Variants in BCL7A observed in about 807,000 individuals in gnomAD.
BCL7A encodes the protein BAF chromatin remodeling complex subunit BCL7A, also known as B-cell CLL/lymphoma 7 protein family member A.
A neutral mutation model predicts 28.4 loss-of-function variants in BCL7A; 11 were observed. The ratio of observed to expected loss-of-function variants is 0.39; its 90% confidence interval spans 0.24 to 0.64. BCL7A has a LOEUF of 0.64. BCL7A is among the 30% of genes least tolerant of loss of function. The pLI is 0.50. For missense variants in BCL7A, 222 were observed against 274.8 expected (o/e 0.81, Z 1.36); for synonymous variants, 123 against 103.3 (o/e 1.19, Z -1.15).
intron 2 of BCL7A, among the ~76,000 whole-genome samples, chr12:122,031,386 G>T (rs1167143905): frequency 6.6e-6 from 1 of 152,154 alleles, no homozygotes; most frequent in African/African-American, 2.4e-5. Context: ...GTGTTTTGGG[G>T]CAGGTGTGGT....
chr12:122,035,257 C>A, intron 2 of BCL7A, 74 bp from the exon 3 acceptor site: 1 of 1,369,478 alleles, frequency 7.3e-7, no homozygotes, highest in Non-Finnish European at 1.0e-6. Flanking sequence ...TCACACCACT[C>A]CCCAGGGGCT....
rs112876058 is a variant in BCL7A, at chr12:122,029,112, T to C, written c.93-1588T>C. Among the ~76,000 whole-genome samples the C allele has an allele frequency of 3.2e-4, 49 of 152,214 alleles. No homozygotes were observed. The highest frequency in any genetic ancestry group is 1.1e-3 in the African/African-American group (45 of 41,524). Reference sequence around the variant, plus strand: ...CGAGTGCTGGCTCTGGGAGAATGAGTTCACCTTCACCGCCCTGTGCCTCGG... The same window carrying C: ...CGAGTGCTGGCTCTGGGAGAATGAGCTCACCTTCACCGCCCTGTGCCTCGG... On this transcript the variant is annotated intron_variant, in intron 1 of 5. Coordinates refer to ENST00000261822, the MANE Select transcript of BCL7A (RefSeq NM_001024808.3). The surrounding 1 kb of genome is among the most constrained non-coding windows in gnomAD (Gnocchi z 4.3).
At chr12:122,035,993 A>G (rs968477753) in intron 3 of BCL7A, among the ~76,000 whole-genome samples, 1 of 151,826 alleles carries the variant, frequency 6.6e-6, no homozygotes, top group African/African-American at 2.4e-5. Flanking sequence ...GCCATGCACC[A>G]CCATCCCTGA....
At chr12:122,051,915 C>T (rs1199679398) in intron 4 of BCL7A, among the ~76,000 whole-genome samples, 3 of 141,486 alleles carry the variant, frequency 2.1e-5, no homozygotes. Flanking sequence ...ACTCTGTCAC[C>T]CAGGCTGGAG....
intron 2 of BCL7A, 107 bp downstream of exon 2, chr12:122,030,888 C>A: frequency 1.7e-6 from 2 of 1,180,818 alleles, no homozygotes; most frequent in Non-Finnish European, 2.5e-6. Flanking sequence ...GCTCTGGGAC[C>A]AAGAGCCCCT....
chr12:122,054,677 C>A, intron 4 of BCL7A, 128 bp from the exon 5 acceptor site: 1 of 900,132 alleles, frequency 1.1e-6, no homozygotes, highest in Non-Finnish European at 1.7e-6. Flanking sequence ...AGCCCCCCAG[C>A]TCATTGTAGC....
chr12:122,057,015 C>G (rs762833387), intron 5 of BCL7A, among the ~76,000 whole-genome samples: 4 of 152,216 alleles, frequency 2.6e-5, no homozygotes, highest in Non-Finnish European at 5.9e-5. Context: ...CTGCCTGCCA[C>G]AGTGGGGCTG....
Position 122,054,880 on chromosome 12 carries a change from C to T in BCL7A, c.515C>T (p.Pro172Leu), listed in dbSNP as rs771783654. 16 of 1,614,052 alleles carry T rather than the reference C, an allele frequency of 9.9e-6. 1 individual carries two copies. Among genetic ancestry groups the T allele is most frequent in the East Asian group, 8.9e-5 (4 of 44,896 alleles). Residue 172 changes from proline to leucine, a missense_variant, in exon 5 of 6, where the codon CCG (proline) becomes CTG (leucine). Physicochemically the swap from Pro to Leu is moderately conservative, Grantham distance 98. This residue lies in a region of BCL7A where 155 missense variants were observed against 145.7 expected (regional missense o/e 1.06). Transcript: ENST00000261822. Reference sequence around the variant, plus strand: ...AGCTCAGAGAAAGTAGATCGGCAGCCGTCTGGAGACTCGGGTCTGGCCGCA... The same window carrying T: ...AGCTCAGAGAAAGTAGATCGGCAGCTGTCTGGAGACTCGGGTCTGGCCGCA... ...MNSSEKVDRQ[P>L]SGDSGLAAET...
rs553424549 is a variant in BCL7A, at chr12:122,060,148, T to C, written c.*985T>C. 9 of 232,898 alleles carry C rather than the reference T, an allele frequency of 3.9e-5. No individual in the cohort carries two copies. In the East Asian group the frequency reaches 4.2e-4, roughly 11 times the overall value. The allele number at this position is 232,898 out of a possible 1,614,324, so 14.4% of individuals were successfully genotyped here. A position where few individuals can be genotyped will look rare whatever the true frequency, so the allele number is the denominator to read the frequency against. On this transcript the variant is annotated 3_prime_UTR_variant, in exon 6 of 6. Transcript: ENST00000261822. ...TTAGCTGGTGCTGAACTTTCTCTCA[T>C]AGGACGTCGCTTGGATTTCAAATCC...
rs1883950989 is a variant in BCL7A, at chr12:122,040,837, AG to A, written c.272-3048del. 2.6e-5 allele frequency among the ~76,000 whole-genome samples: 4 copies of A among 152,260 alleles called. No individual in the cohort carries two copies. In the East Asian group the frequency reaches 5.8e-4, roughly 22 times the overall value. The stretch of plus-strand genomic sequence containing the variant: ...TAGTCCACAAGACTCAGCTGAAGTT[AG>A]CCCAAGTATCAGGGTCACGCTGTTA... On this transcript the variant is annotated intron_variant, in intron 3 of 5. Transcript: ENST00000261822.
intron 5 of BCL7A, among the ~76,000 whole-genome samples, chr12:122,056,927 G>T (rs923052035): frequency 6.6e-6 from 1 of 152,200 alleles, no homozygotes; most frequent in South Asian, 2.1e-4. Flanking sequence ...CAAGTCCATC[G>T]CATGTCCTAC....
chr12:122,027,344 C>A (rs1356004387), intron 1 of BCL7A, among the ~76,000 whole-genome samples: 3 of 152,206 alleles, frequency 2.0e-5, no homozygotes, highest in African/African-American at 7.2e-5. Context: ...GCAGGCCAAA[C>A]AAAACACGCC....
At chr12:122,026,956 G>A (rs1883641535) in intron 1 of BCL7A, among the ~76,000 whole-genome samples, 1 of 152,214 alleles carries the variant, frequency 6.6e-6, no homozygotes, top group Non-Finnish European at 1.5e-5. Flanking sequence ...TCCTACTGCT[G>A]GGACCTCATT....
chr12:122,046,601 A>T (rs1822129606), intron 4 of BCL7A, among the ~76,000 whole-genome samples: 1 of 152,230 alleles, frequency 6.6e-6, no homozygotes, highest in Non-Finnish European at 1.5e-5. Flanking sequence ...GACAGACTCT[A>T]TCCAGCCCGT....
rs760339484 is a variant in BCL7A at position 122,029,348 on chromosome 12, G to A, written c.93-1352G>A. Reference sequence around the variant, plus strand: ...GGCTGGCTGGGTTTGAGTATGCTCCGTCATCCCGCAACCCCCGTGGTGACA... The same window carrying A: ...GGCTGGCTGGGTTTGAGTATGCTCCATCATCCCGCAACCCCCGTGGTGACA... On this transcript the variant is annotated intron_variant, in intron 1 of 5. Transcript: ENST00000261822. This position sits in a 1 kb window ranked among gnomAD's most constrained non-coding sequence, Gnocchi z 4.3. Among the ~76,000 whole-genome samples the A allele has an allele frequency of 2.6e-5, 4 of 152,084 alleles. No individual in the cohort carries two copies. Among genetic ancestry groups the A allele is most frequent in the African/African-American group, 7.2e-5 (3 of 41,404 alleles).
chr12:122,049,447 C>T (rs967367150), intron 4 of BCL7A, among the ~76,000 whole-genome samples: 4 of 151,620 alleles, frequency 2.6e-5, no homozygotes, highest in South Asian at 2.1e-4. Context: ...TTTGGGAGGC[C>T]GAGGCAGGTG....
At position 122,054,927 on chromosome 12, in the gene BCL7A, G is replaced by T; in HGVS notation, c.561+1G>T. On this transcript the variant is annotated splice_donor_variant, in intron 5 of 5. Coordinates refer to ENST00000261822, the MANE Select transcript of BCL7A (RefSeq NM_001024808.3). LOFTEE classifies it high-confidence loss of function. The stretch of plus-strand genomic sequence containing the variant: ...CGCAGAGACGTCTGCAATCTCTCAG[G>T]TACCTCGCTCGAGGTCTCAGAGGGG... 6.2e-7 allele frequency: 1 copy of T among 1,614,210 alleles called. No individual in the cohort carries two copies. Among genetic ancestry groups the T allele is most frequent in the Non-Finnish European group, 8.5e-7 (1 of 1,180,036 alleles).
rs117212901 is a variant in BCL7A, at chr12:122,046,297, G to A, written c.439+2244G>A. The stretch of plus-strand genomic sequence containing the variant: ...GGGGAGGGCAGGCCAGGTCTGGAGC[G>A]CCTTGCACACCCATGAGGAGCTGGC... On this transcript the variant is annotated intron_variant, in intron 4 of 5. Coordinates refer to ENST00000261822, the MANE Select transcript of BCL7A (RefSeq NM_001024808.3). Among the ~76,000 whole-genome samples the A allele has an allele frequency of 1.9e-3, 284 of 152,200 alleles. 6 individuals are homozygous for A. Among genetic ancestry groups the A allele is most frequent in the Admixed American group, 0.013 (198 of 15,276 alleles).
Position 122,022,027 on chromosome 12 carries a change from C to T in BCL7A, c.-65C>T, listed in dbSNP as rs1306111936. ...GAGCGGCGGGCGGGCGCGAGTGTGGCCGCCGCGGAGCGCGAGCAGGACCCG... is the reference window on the plus strand; with the variant it reads ...GAGCGGCGGGCGGGCGCGAGTGTGGTCGCCGCGGAGCGCGAGCAGGACCCG... On this transcript the variant is annotated 5_prime_UTR_variant, in exon 1 of 6. Transcript: ENST00000261822. 61 of 1,444,670 alleles carry T rather than the reference C, an allele frequency of 4.2e-5. No homozygotes were observed. The highest frequency in any genetic ancestry group is 5.5e-5 in the Non-Finnish European group (59 of 1,074,852). 89.5% of individuals were successfully genotyped at this position (1,444,670 alleles called of 1,614,324 possible).
Sources: gnomAD v4.1 joint callset for allele counts (sites outside exome capture counted in the v4.1 genomes callset) on GRCh38, gnomAD v4.1.1 for gene constraint, gnomAD v4.1.1 regional missense constraint, Gnocchi (gnomAD v3.1) non-coding constraint, MANE v1.5 for transcripts, NCBI Gene and HGNC (gene_info 2026-07-23, HGNC 2026-07-21) for gene names.